CHN1: variants seen among roughly 807,000 people sequenced by gnomAD.
CHN1 encodes the protein N-chimaerin.
CHN1 carries 37 observed loss-of-function variants against 59.5 expected under a neutral mutation model. The ratio of observed to expected loss-of-function variants is 0.62; its 90% CI spans 0.48 to 0.82. CHN1 has a LOEUF of 0.82. CHN1 is among the 40% of genes least tolerant of loss of function. The pLI, the probability that CHN1 is intolerant of heterozygous loss-of-function variation, is 0.00. For missense variants in CHN1, 469 were observed against 571.0 expected, an observed-to-expected ratio of 0.82 and a Z score of 1.82; for synonymous variants, 206 against 200.4, an observed-to-expected ratio of 1.03 and a Z score of -0.24.
intron 7 of CHN1, chr2:174,846,352 G>A: frequency 6.5e-7 from 1 of 1,549,346 alleles, no homozygotes; most frequent in Non-Finnish European, 8.7e-7. Context: ...AGGAGAAGCT[G>A]CTAGTGTCAG....
intron 5 of CHN1, among the ~76,000 whole-genome samples, chr2:174,898,504 T>G (rs1688287387): frequency 6.6e-6 from 1 of 151,318 alleles, no homozygotes; most frequent in African/African-American, 2.4e-5. Flanking sequence ...CTTAGGAGGC[T>G]GAGGCAGGAG....
chr2:174,876,672 T>C (rs1687573908), intron 6 of CHN1, among the ~76,000 whole-genome samples: 1 of 152,224 alleles, frequency 6.6e-6, no homozygotes, highest in Non-Finnish European at 1.5e-5. Context: ...AACTAAAATT[T>C]GAGCTGGACA....
Position 174,799,200 on chromosome 2 carries a change from C to T in CHN1, c.*916G>A, listed in dbSNP as rs1684635284. On this transcript the variant is annotated 3_prime_UTR_variant, in exon 13 of 13. Transcript: ENST00000409900. ...TGTCAAGAAAATATTTTCTAGATTT[C>T]TGCCAGAGTAATATAAGAAGAAAAA... 4.8e-6 allele frequency: 1 copy of T among 208,916 alleles called. No homozygotes were observed. Among genetic ancestry groups the T allele is most frequent in the African/African-American group, 2.4e-5 (1 of 42,136 alleles). The allele number at this position is 208,916 out of a possible 1,614,324, so 12.9% of individuals were successfully genotyped here.
At chr2:174,828,153 T>C (rs1034018608) in intron 7 of CHN1, among the ~76,000 whole-genome samples, 1 of 152,130 alleles carries the variant, frequency 6.6e-6, no homozygotes, top group Non-Finnish European at 1.5e-5. Flanking sequence ...TGGCAGTCTA[T>C]AGTCTCTGAG....
At chr2:174,947,514 TCA>T (rs1440368702) in intron 2 of CHN1, among the ~76,000 whole-genome samples, 1 of 149,996 alleles carries the variant, frequency 6.7e-6, no homozygotes, top group African/African-American at 2.5e-5. Context: ...AGACAGTGTC[TCA>T]CTTGGTCACC....
At chr2:174,987,045 A>G (rs1143985) in intron 1 of CHN1, among the ~76,000 whole-genome samples, 3,603 of 152,198 alleles carry the variant, frequency 0.024, 132 homozygotes, top group African/African-American at 0.082. Flanking sequence ...CGATTTTATT[A>G]TTTTGTTAAT....
chr2:174,876,469 G>C (rs1687568521), intron 6 of CHN1, among the ~76,000 whole-genome samples: 1 of 152,096 alleles, frequency 6.6e-6, no homozygotes, highest in South Asian at 2.1e-4. Flanking sequence ...CAGAAAATGG[G>C]AACTAGACCA....
At chr2:174,894,313 A>C (rs1688142940) in intron 5 of CHN1, among the ~76,000 whole-genome samples, 2 of 152,114 alleles carry the variant, frequency 1.3e-5, no homozygotes, top group South Asian at 4.1e-4. Context: ...AAACTGGCCA[A>C]AGGAACAGAC....
chr2:174,812,974 A>G (rs1290282951), intron 8 of CHN1, among the ~76,000 whole-genome samples: 1 of 152,178 alleles, frequency 6.6e-6, no homozygotes, highest in Non-Finnish European at 1.5e-5. Context: ...TATATATATG[A>G]TAACTAATAT....
intron 6 of CHN1, among the ~76,000 whole-genome samples, chr2:174,860,674 TGA>T (rs1407447118): frequency 6.6e-6 from 1 of 152,144 alleles, no homozygotes; most frequent in African/African-American, 2.4e-5. Flanking sequence ...AAATTGTAAT[TGA>T]GATAAGTGCT....
At chr2:174,950,842 C>T (rs1054101877) in intron 2 of CHN1, among the ~76,000 whole-genome samples, 10 of 136,862 alleles carry the variant, frequency 7.3e-5, no homozygotes, top group African/African-American at 2.5e-4. Context: ...TGCAGTGGTG[C>T]GATCTTGGCT....
At chr2:174,804,679 A>G (rs917751355) in intron 11 of CHN1, among the ~76,000 whole-genome samples, 2 of 152,216 alleles carry the variant, frequency 1.3e-5, no homozygotes, top group African/African-American at 4.8e-5. Context: ...TGAGAAACAG[A>G]AGAATCATGA....
intron 6 of CHN1, among the ~76,000 whole-genome samples, chr2:174,875,354 G>A (rs1010945865): frequency 2.0e-5 from 3 of 152,100 alleles, no homozygotes; most frequent in African/African-American, 7.2e-5. Context: ...CAATTAGTTG[G>A]TGAATAAACT....
Position 175,005,142 on chromosome 2 carries a change from G to C in CHN1, c.-230C>G. On this transcript the variant is annotated 5_prime_UTR_variant, in exon 1 of 13. Coordinates refer to ENST00000409900, the MANE Select transcript of CHN1 (RefSeq NM_001822.7). ...GCACCGGGCCCAGGGAGCCCCGCTAGCTCTCCGCGAGCCGGCACTTGTCGC... is the reference window on the plus strand; with the variant it reads ...GCACCGGGCCCAGGGAGCCCCGCTACCTCTCCGCGAGCCGGCACTTGTCGC... The C allele has an allele frequency of 2.3e-6, 3 of 1,296,038 alleles. No individual in the cohort carries two copies. Among genetic ancestry groups the C allele is most frequent in the Non-Finnish European group, 2.9e-6 (3 of 1,020,122 alleles). The allele number at this position is 1,296,038 out of a possible 1,614,324, so 80.3% of individuals were successfully genotyped here.
chr2:174,830,503 A>G (rs988110366), intron 7 of CHN1, among the ~76,000 whole-genome samples: 1 of 152,208 alleles, frequency 6.6e-6, no homozygotes, highest in Non-Finnish European at 1.5e-5. Flanking sequence ...ATGTATTAAC[A>G]AAGAGCGAGG....
rs576494605 is a variant in CHN1, at chr2:174,911,958, T to C, written c.260+3100A>G. On this transcript the variant is annotated intron_variant, in intron 5 of 12. Coordinates refer to ENST00000409900, the MANE Select transcript of CHN1 (RefSeq NM_001822.7). ...TACTTAACTAGTCCAGAAAGTGGCT[T>C]AGAGTTGAAAAGGAGAGGTAATTTT... Among the ~76,000 whole-genome samples, 7 of 152,226 alleles carry C rather than the reference T, an allele frequency of 4.6e-5. No homozygotes were observed. In the South Asian group the frequency reaches 1.2e-3, roughly 27 times the overall value.
chr2:174,808,702 A>AT (rs1161317190), intron 11 of CHN1, among the ~76,000 whole-genome samples: 8 of 152,242 alleles, frequency 5.3e-5, no homozygotes, highest in African/African-American at 1.9e-4. Context: ...GGTTTAGCAC[A>AT]TTACAAAGAA....
In CHN1 at chr2:175,004,993, C is replaced by T. The variant is rs2105479592; in HGVS notation, c.-81G>A. ...GGATCACCTCATCAGCCCGCCGCAC[C>T]CACACCTCGGAGAGAGTGGGGTGCC... On this transcript the variant is annotated 5_prime_UTR_variant, in exon 1 of 13. Transcript: ENST00000409900. 1 of 1,504,642 alleles carries T rather than the reference C, an allele frequency of 6.6e-7. No homozygotes were observed. The highest frequency in any genetic ancestry group is 1.2e-5 in the South Asian group (1 of 81,096). The allele number at this position is 1,504,642 out of a possible 1,614,324, so 93.2% of individuals were successfully genotyped here. A position where few individuals can be genotyped will look rare whatever the true frequency, so the allele number is the denominator to read the frequency against.
intron 5 of CHN1, among the ~76,000 whole-genome samples, chr2:174,892,864 T>G (rs1342944829): frequency 6.6e-6 from 1 of 152,172 alleles, no homozygotes; most frequent in Non-Finnish European, 1.5e-5. Context: ...AAAAACCACA[T>G]GATCACCTCA....
Sources: gnomAD v4.1 joint callset for allele counts (sites outside exome capture counted in the v4.1 genomes callset) on GRCh38, gnomAD v4.1.1 for gene constraint, MANE v1.5 for transcripts, NCBI Gene and HGNC (gene_info 2026-07-23, HGNC 2026-07-21) for gene names.